Variants in DYM observed in about 807,000 individuals in gnomAD.
DYM encodes the protein dyggve-Melchior-Clausen syndrome protein.
DYM carries 78 observed loss-of-function variants against 93.1 expected under a neutral mutation model. The ratio of observed to expected loss-of-function variants is 0.84; its 90% confidence interval spans 0.70 to 1.01. The LOEUF is 1.01. Ranked by LOEUF, DYM falls within the 50% of genes least tolerant of loss-of-function variation. The probability of loss-of-function intolerance (pLI) is 0.00; values close to 1 mark genes in which losing one functional copy is unlikely to be tolerated. For missense variants in DYM, 789 were observed against 845.0 expected (o/e 0.93, Z 0.82); for synonymous variants, 321 against 319.7 (o/e 1.00, Z -0.04).
At chr18:49,216,597 A>G (rs2093060856) in intron 13 of DYM, among the ~76,000 whole-genome samples, 1 of 152,216 alleles carries the variant, frequency 6.6e-6, no homozygotes, top group Non-Finnish European at 1.5e-5. Context: ...GTGGTTCATG[A>G]AAATCCGCAG....
chr18:49,180,235 T>C (rs368280904), intron 14 of DYM, among the ~76,000 whole-genome samples: 1 of 152,162 alleles, frequency 6.6e-6, no homozygotes, highest in East Asian at 1.9e-4. Context: ...TATAAATTAT[T>C]ATCTAAATCA....
intron 3 of DYM, among the ~76,000 whole-genome samples, chr18:49,385,567 T>C (rs527535546): frequency 2.0e-5 from 3 of 152,106 alleles, no homozygotes; most frequent in African/African-American, 7.2e-5. Context: ...TGGTGGTGCA[T>C]GCCTGTAATC....
At chr18:49,231,326 G>A (rs1291248765) in intron 13 of DYM, among the ~76,000 whole-genome samples, 2 of 152,194 alleles carry the variant, frequency 1.3e-5, no homozygotes, top group East Asian at 1.9e-4. Flanking sequence ...GCAGCTGGTG[G>A]CTGCTCATGT....
At chr18:49,232,603 CTTTTTTTT>C (rs777802663) in intron 13 of DYM, among the ~76,000 whole-genome samples, 46 of 94,416 alleles carry the variant, frequency 4.9e-4, no homozygotes, top group African/African-American at 1.5e-3. Flanking sequence ...TGCCCGGCCT[CTTTTTTTT>C]TTTTTTTTTT....
intron 17 of DYM, among the ~76,000 whole-genome samples, chr18:49,083,583 A>G (rs1243794500): frequency 6.6e-6 from 1 of 152,168 alleles, no homozygotes; most frequent in Non-Finnish European, 1.5e-5. Flanking sequence ...TAGGATTCAC[A>G]TTATTTCTTT....
intron 17 of DYM, among the ~76,000 whole-genome samples, chr18:49,063,853 G>A (rs1329821220): frequency 2.0e-5 from 3 of 151,900 alleles, no homozygotes; most frequent in Admixed American, 6.6e-5. Flanking sequence ...GGTCTTGAAC[G>A]CCTGGCCTCA....
intron 8 of DYM, among the ~76,000 whole-genome samples, chr18:49,315,409 G>A (rs2061864111): frequency 6.6e-6 from 1 of 152,136 alleles, no homozygotes; most frequent in African/African-American, 2.4e-5. Flanking sequence ...GTAAGAAAAT[G>A]TAATATATTT....
At chr18:49,044,270 T>C (rs1472287251) in intron 17 of DYM, 66 bp from the exon 18 acceptor site, 1 of 1,592,984 alleles carries the variant, frequency 6.3e-7, no homozygotes, top group African/African-American at 1.3e-5. Flanking sequence ...TGGTGAGAGT[T>C]TGCAGGTGGT....
chr18:49,454,015 T>C (rs925346592), intron 1 of DYM, among the ~76,000 whole-genome samples: 17 of 152,104 alleles, frequency 1.1e-4, no homozygotes, highest in African/African-American at 4.1e-4. Flanking sequence ...TTACAACCCA[T>C]CAGAATAGCA....
At chr18:49,108,860 T>C (rs1017783720) in intron 16 of DYM, among the ~76,000 whole-genome samples, 25 of 152,230 alleles carry the variant, frequency 1.6e-4, no homozygotes, top group African/African-American at 6.0e-4. Flanking sequence ...TGCCATTCTA[T>C]CAGTTTTTAT....
chr18:49,052,354 T>G (rs2075099613), intron 17 of DYM, among the ~76,000 whole-genome samples: 1 of 152,210 alleles, frequency 6.6e-6, no homozygotes, highest in African/African-American at 2.4e-5. Context: ...TAAATAGCAA[T>G]TCTTAAAAAT....
intron 3 of DYM, among the ~76,000 whole-genome samples, chr18:49,386,777 C>T (rs757534971): frequency 6.4e-4 from 98 of 152,032 alleles, no homozygotes; most frequent in Non-Finnish European, 6.5e-4. Flanking sequence ...TTTTACTGTG[C>T]TTTGCTTTAT....
At chr18:49,330,018 T>G (rs987194527) in intron 8 of DYM, among the ~76,000 whole-genome samples, 1 of 152,208 alleles carries the variant, frequency 6.6e-6, no homozygotes, top group Non-Finnish European at 1.5e-5. Flanking sequence ...TAACTTAAAA[T>G]TACATGACTG....
intron 10 of DYM, among the ~76,000 whole-genome samples, chr18:49,281,205 CT>C (rs1336613098): frequency 3.3e-5 from 5 of 152,206 alleles, no homozygotes; most frequent in Non-Finnish European, 7.3e-5. Context: ...TGAAAAAATG[CT>C]CATCATCACT....
At chr18:49,075,348 A>G (rs148492308) in intron 17 of DYM, among the ~76,000 whole-genome samples, 1 of 152,326 alleles carries the variant, frequency 6.6e-6, no homozygotes, top group Non-Finnish European at 1.5e-5. Context: ...CAAAGCCTGA[A>G]TGCTGAAGGT....
chr18:49,099,094 CA>C (rs1258618653), intron 16 of DYM, among the ~76,000 whole-genome samples: 1 of 151,566 alleles, frequency 6.6e-6, no homozygotes, highest in Admixed American at 6.6e-5. Context: ...CTTCTTTGAC[CA>C]AAAAATATTT....
Position 49,417,979 on chromosome 18 carries a change from A to C in DYM, c.140+12276T>G, listed in dbSNP as rs1278163376. 3.3e-5 allele frequency: 5 copies of C among 151,182 alleles called. No homozygotes were observed. The East Asian group carries it at 5.9e-4, about 18-fold the overall frequency. 9.4% of individuals were successfully genotyped at this position (151,182 alleles called of 1,614,324 possible). A position where few individuals can be genotyped will look rare whatever the true frequency, so the allele number is the denominator to read the frequency against. On this transcript the variant is annotated intron_variant, in intron 2 of 17. Transcript: ENST00000675505. ...GGAGGCTGAGGCAGGAGAATCACTT[A>C]ATCCCGGGAGGCAGAGGTTGTGGTG...
chr18:49,175,845 G>A (rs1462418217), intron 14 of DYM, among the ~76,000 whole-genome samples: 4 of 152,036 alleles, frequency 2.6e-5, no homozygotes, highest in African/African-American at 4.8e-5. Context: ...AAAAGCAAAA[G>A]ACAAAGAAAT....
chr18:49,118,999 T>A, intron 15 of DYM, 73 bp from the exon 16 acceptor site: 1 of 1,270,552 alleles, frequency 7.9e-7, no homozygotes, highest in Non-Finnish European at 1.1e-6. Flanking sequence ...AAAATAAGAG[T>A]AATTCCCTCA....
Sources: gnomAD v4.1 joint callset for allele counts (sites outside exome capture counted in the v4.1 genomes callset) on GRCh38, gnomAD v4.1.1 for gene constraint, MANE v1.5 for transcripts, NCBI Gene and HGNC (gene_info 2026-07-23, HGNC 2026-07-21) for gene names.